The following USP32 variants were observed in gnomAD, a reference collection of about 807,000 sequenced individuals.
USP32 encodes the protein ubiquitin specific peptidase 32, also known as ubiquitin carboxyl-terminal hydrolase 32.
In USP32, 59 loss-of-function variants were observed where a neutral mutation model predicts 204.8. That is an observed-to-expected ratio of 0.29 (90% CI 0.23 to 0.36). The LOEUF (loss-of-function observed/expected upper bound fraction) is 0.36. Among genes scored for constraint, USP32 ranks in the 10% least tolerant of loss-of-function variants. The pLI, the probability that USP32 is intolerant of heterozygous loss-of-function variation, is 1.00. For missense variants in USP32, 1,160 were observed against 1,946.4 expected (o/e 0.60, Z 7.60); for synonymous variants, 517 against 678.4 (o/e 0.76, Z 3.70).
At chr17:60,255,068 T>A in intron 10 of USP32, 107 bp downstream of exon 10, 1 of 631,724 alleles carries the variant, frequency 1.6e-6, no homozygotes, top group Non-Finnish European at 2.6e-6. Flanking sequence ...TTTTTTAATA[T>A]ATGGTTTTGC....
rs139157689 is a variant in USP32, at chr17:60,386,011, G to A, written c.58+5871C>T. Among the ~76,000 whole-genome samples the A allele has an allele frequency of 8.0e-4, 122 of 151,664 alleles. 1 individual carries two copies. The highest frequency in any genetic ancestry group is 1.4e-3 in the Non-Finnish European group (95 of 67,902). The stretch of plus-strand genomic sequence containing the variant: ...CTATAAAAGAAAATTCTATTCTATT[G>A]CTGCATAACACACACACACACACAC... On this transcript the variant is annotated intron_variant, in intron 1 of 33. Transcript: ENST00000300896.
At chr17:60,197,997 T>C (rs546454681) in intron 27 of USP32, among the ~76,000 whole-genome samples, 12 of 152,362 alleles carry the variant, frequency 7.9e-5, no homozygotes, top group African/African-American at 2.6e-4. Flanking sequence ...AGGATATTAC[T>C]TGAAGCATTA....
intron 1 of USP32, chr17:60,421,718 C>T (rs1236890706): frequency 2.5e-6 from 2 of 795,000 alleles, no homozygotes; most frequent in South Asian, 5.7e-5. Context: ...CCTGCCCGGC[C>T]AACTCAGACT....
chr17:60,190,467 TTTTTAAATTGTCTAAA>T, intron 29 of USP32, 80 bp downstream of exon 29: 1 of 1,433,130 alleles, frequency 7.0e-7, no homozygotes, highest in Non-Finnish European at 9.2e-7. Context: ...TTTCTGGTTG[TTTTTAAATTGTCTAAA>T]ACAGAAATGG....
intron 3 of USP32, among the ~76,000 whole-genome samples, chr17:60,300,050 T>C (rs1251114406): frequency 6.6e-6 from 1 of 152,186 alleles, no homozygotes; most frequent in African/African-American, 2.4e-5. Context: ...GATTTCAATA[T>C]ATGAATTTTG....
chr17:60,180,867 C>CTATTATTATTAT (rs35652936), intron 32 of USP32, among the ~76,000 whole-genome samples: 152 of 147,504 alleles, frequency 1.0e-3, no homozygotes, highest in Non-Finnish European at 1.8e-3. Flanking sequence ...ATTGTAATTA[C>CTATTATTATTAT]TATTATTATT....
intron 1 of USP32, among the ~76,000 whole-genome samples, chr17:60,397,966 A>G (rs2089910732): frequency 6.6e-6 from 1 of 152,196 alleles, no homozygotes; most frequent in African/African-American, 2.4e-5. Flanking sequence ...AGGTTAAGAT[A>G]AAACTTTTTC....
intron 5 of USP32, 24 bp from the exon 6 acceptor site, chr17:60,271,505 T>C (rs1295176179): frequency 6.2e-7 from 1 of 1,609,908 alleles, no homozygotes; most frequent in Middle Eastern, 1.7e-4. Context: ...CAAAAAAGAT[T>C]ATAAAACCTC....
intron 2 of USP32, among the ~76,000 whole-genome samples, chr17:60,308,589 C>G (rs1209852946): frequency 6.6e-6 from 1 of 152,208 alleles, no homozygotes; most frequent in Non-Finnish European, 1.5e-5. Context: ...AAAGAACAGT[C>G]TTTTCAATAA....
chr17:60,187,129 C>T, intron 29 of USP32, among the ~76,000 whole-genome samples: 1 of 151,996 alleles, frequency 6.6e-6, no homozygotes, highest in South Asian at 2.1e-4. Flanking sequence ...TAGGCTGTTG[C>T]AATACAAATT....
chr17:60,421,947 G>A lies in USP32; in HGVS notation c.106+299C>T, dbSNP rs944085067. The A allele has an allele frequency of 4.1e-6, 4 of 985,270 alleles. No individual in the cohort carries two copies. In the African/African-American group the frequency reaches 7.0e-5, roughly 17 times the overall value. 61.0% of individuals were successfully genotyped at this position (985,270 alleles called of 1,614,324 possible). ...TGCCCCAGGGAAGGCCGCGGGGAGG[G>A]TTACAGAGCCCGTAGGCACTGGCGG... On this transcript the variant is annotated intron_variant, in intron 1 of 3. Transcript: ENST00000588898.
chr17:60,375,091 G>A (rs2089513853), intron 1 of USP32, among the ~76,000 whole-genome samples: 1 of 152,070 alleles, frequency 6.6e-6, no homozygotes, highest in Admixed American at 6.5e-5. Context: ...CTTGTATATT[G>A]TTTTTTGTAA....
Position 60,214,791 on chromosome 17 carries a change from C to G in USP32, c.1868-17G>C. The G allele has an allele frequency of 6.2e-7, 1 of 1,613,868 alleles. No homozygotes were observed. ...GTACATTTCCTATGGTTACAGTAATCACAGTAAGAAAAAAGGCAGATGTGA... is the reference window on the plus strand; with the variant it reads ...GTACATTTCCTATGGTTACAGTAATGACAGTAAGAAAAAAGGCAGATGTGA... On this transcript the variant is annotated splice_polypyrimidine_tract_variant and intron_variant, in intron 16 of 33. Coordinates refer to ENST00000300896, the MANE Select transcript of USP32 (RefSeq NM_032582.4).
chr17:60,250,018 AT>A (rs1404800207), intron 11 of USP32, among the ~76,000 whole-genome samples: 7 of 152,170 alleles, frequency 4.6e-5, no homozygotes, highest in African/African-American at 1.7e-4. Context: ...GAATAAACAA[AT>A]TTTAAAAAAA....
At chr17:60,232,254 C>G (rs995340089) in intron 12 of USP32, among the ~76,000 whole-genome samples, 3 of 144,112 alleles carry the variant, frequency 2.1e-5, no homozygotes, top group Non-Finnish European at 4.5e-5. Flanking sequence ...CTCACTGCAA[C>G]CTCTGCTTCT....
intron 26 of USP32, among the ~76,000 whole-genome samples, chr17:60,203,011 G>A: frequency 6.7e-6 from 1 of 150,160 alleles, no homozygotes; most frequent in Non-Finnish European, 1.5e-5. Flanking sequence ...GCCACCAGAG[G>A]TTAGAAGAGA....
chr17:60,187,570 T>C lies in USP32; in HGVS notation c.3643-1919A>G, dbSNP rs1480671510. 5.9e-5 allele frequency among the ~76,000 whole-genome samples: 9 copies of C among 152,358 alleles called. No individual in the cohort carries two copies. The South Asian group carries it at 1.9e-3, about 32-fold the overall frequency. ...AGCCAGTTAAATATTATCTCTATTA[T>C]CTCTACCAGGAATACTTTATGGCCA... On this transcript the variant is annotated intron_variant, in intron 29 of 33. Coordinates refer to ENST00000300896, the MANE Select transcript of USP32 (RefSeq NM_032582.4).
chr17:60,322,519 A>G (rs952831325), intron 2 of USP32, among the ~76,000 whole-genome samples: 5 of 152,196 alleles, frequency 3.3e-5, no homozygotes, highest in African/African-American at 1.2e-4. Context: ...ATTGTAATAA[A>G]TAGATGTAAT....
At chr17:60,221,363 A>G (rs1169223302) in intron 15 of USP32, among the ~76,000 whole-genome samples, 1 of 152,172 alleles carries the variant, frequency 6.6e-6, no homozygotes, top group African/African-American at 2.4e-5. Context: ...TAAGAACTCA[A>G]AATCAACATC....
Sources: gnomAD v4.1 joint callset for allele counts (sites outside exome capture counted in the v4.1 genomes callset) on GRCh38, gnomAD v4.1.1 for gene constraint, MANE v1.5 for transcripts, NCBI Gene and HGNC (gene_info 2026-07-23, HGNC 2026-07-21) for gene names.